Variants in KCNJ3 observed in about 807,000 individuals in gnomAD.
KCNJ3 encodes potassium inwardly rectifying channel subfamily J member 3.
Under a neutral mutation model 39.2 loss-of-function variants are expected in KCNJ3, and 4 were observed. That is an observed-to-expected ratio of 0.10 (90% CI 0.05 to 0.23). The LOEUF (loss-of-function observed/expected upper bound fraction) is 0.23. KCNJ3 is among the 10% of genes least tolerant of loss of function. The probability of loss-of-function intolerance (pLI) is 1.00; values close to 1 mark genes in which losing one functional copy is unlikely to be tolerated. For missense variants in KCNJ3, 276 were observed against 634.9 expected, an observed-to-expected ratio of 0.43 and a Z score of 6.08; for synonymous variants, 230 against 237.4, an observed-to-expected ratio of 0.97 and a Z score of 0.29.
intron 2 of KCNJ3, among the ~76,000 whole-genome samples, chr2:154,740,720 A>G (rs1574442827): frequency 1.3e-5 from 2 of 152,128 alleles, no homozygotes; most frequent in South Asian, 4.1e-4. Flanking sequence ...AAAGTTTTAT[A>G]TAATCAAAAA....
At chr2:154,721,145 A>C (rs1685257904) in intron 2 of KCNJ3, among the ~76,000 whole-genome samples, 1 of 151,966 alleles carries the variant, frequency 6.6e-6, no homozygotes, top group African/African-American at 2.4e-5. Context: ...CTATTCATTC[A>C]GTTAAGATTT....
At chr2:154,854,261 T>C (rs1241178745) in intron 2 of KCNJ3, among the ~76,000 whole-genome samples, 4 of 152,192 alleles carry the variant, frequency 2.6e-5, no homozygotes, top group African/African-American at 7.2e-5. Context: ...TTGTTGACAG[T>C]GCTTTACTCT....
chr2:154,699,618 T>C lies in KCNJ3; in HGVS notation c.702+141T>C. 1 of 1,282,962 alleles carries C rather than the reference T, an allele frequency of 7.8e-7. No individual in the cohort carries two copies. Among genetic ancestry groups the C allele is most frequent in the Non-Finnish European group, 1.0e-6 (1 of 957,994 alleles). 79.5% of individuals were successfully genotyped at this position (1,282,962 alleles called of 1,614,324 possible). A position where few individuals can be genotyped will look rare whatever the true frequency, so the allele number is the denominator to read the frequency against. Reference sequence around the variant, plus strand: ...AAACTTCCTTTTGGGGGGTTGGGGGTTGGAGGACTGGGCAAAGAATGCGGT... The same window carrying C: ...AAACTTCCTTTTGGGGGGTTGGGGGCTGGAGGACTGGGCAAAGAATGCGGT... On this transcript the variant is annotated intron_variant, in intron 1 of 2. Coordinates refer to ENST00000295101, the MANE Select transcript of KCNJ3 (RefSeq NM_002239.4). The surrounding 1 kb of genome is among the most constrained non-coding windows in gnomAD (Gnocchi z 6.4).
chr2:154,703,577 C>A (rs1351451071), intron 1 of KCNJ3, among the ~76,000 whole-genome samples: 1 of 151,518 alleles, frequency 6.6e-6, no homozygotes, highest in Non-Finnish European at 1.5e-5. Context: ...TGACTATTAT[C>A]AAGTGCAGAT....
intron 2 of KCNJ3, among the ~76,000 whole-genome samples, chr2:154,730,461 T>A (rs1685431163): frequency 6.6e-6 from 1 of 152,072 alleles, no homozygotes; most frequent in Admixed American, 6.6e-5. Flanking sequence ...GCTTAATAAT[T>A]TAAAAGTCCA....
At chr2:154,818,224 G>A (rs543259643) in intron 2 of KCNJ3, among the ~76,000 whole-genome samples, 1 of 152,042 alleles carries the variant, frequency 6.6e-6, no homozygotes, top group South Asian at 2.1e-4. Context: ...ACTCCTCTAG[G>A]TTGTGGGGAA....
At chr2:154,786,322 T>G (rs1686528578) in intron 2 of KCNJ3, among the ~76,000 whole-genome samples, 1 of 152,220 alleles carries the variant, frequency 6.6e-6, no homozygotes, top group South Asian at 2.1e-4. Flanking sequence ...CATCTCTTTC[T>G]ATAGACCCTT....
chr2:154,771,108 C>T (rs1266789381), intron 2 of KCNJ3, among the ~76,000 whole-genome samples: 6 of 152,008 alleles, frequency 3.9e-5, no homozygotes, highest in Non-Finnish European at 7.4e-5. Context: ...CCAGGCTGGT[C>T]TCAAACTCCT....
chr2:154,814,538 G>A (rs936737176), intron 2 of KCNJ3, among the ~76,000 whole-genome samples: 1 of 152,116 alleles, frequency 6.6e-6, no homozygotes. Context: ...TCAGGAGGCT[G>A]AGGCAGGAGA....
At chr2:154,778,216 C>T (rs1281214895) in intron 2 of KCNJ3, among the ~76,000 whole-genome samples, 1 of 151,866 alleles carries the variant, frequency 6.6e-6, no homozygotes, top group South Asian at 2.1e-4. Context: ...TGTAGTTTCA[C>T]TACTGAAACT....
At chr2:154,822,870 GCTGA>G (rs1329782625) in intron 2 of KCNJ3, among the ~76,000 whole-genome samples, 4 of 151,764 alleles carry the variant, frequency 2.6e-5, no homozygotes, top group Non-Finnish European at 5.9e-5. Flanking sequence ...AATGCTTTTA[GCTGA>G]CTAAGTAATA....
chr2:154,805,101 T>G (rs948186944), intron 2 of KCNJ3, among the ~76,000 whole-genome samples: 1 of 152,082 alleles, frequency 6.6e-6, no homozygotes, highest in Non-Finnish European at 1.5e-5. Flanking sequence ...AATTGGAATA[T>G]GGTGTGGAAT....
At chr2:154,767,510 T>G (rs1686157506) in intron 2 of KCNJ3, among the ~76,000 whole-genome samples, 1 of 152,218 alleles carries the variant, frequency 6.6e-6, no homozygotes, top group African/African-American at 2.4e-5. Context: ...ACAAAGGACG[T>G]GAACTCATCC....
At chr2:154,792,447 G>A (rs540394707) in intron 2 of KCNJ3, among the ~76,000 whole-genome samples, 2 of 152,146 alleles carry the variant, frequency 1.3e-5, no homozygotes, top group East Asian at 3.9e-4. Flanking sequence ...TTCTGCTTCT[G>A]TGACCCAGGA....
intron 2 of KCNJ3, among the ~76,000 whole-genome samples, chr2:154,806,858 C>T (rs1474587019): frequency 6.6e-6 from 1 of 152,150 alleles, no homozygotes; most frequent in Admixed American, 6.5e-5. Context: ...TTAAGTCTCG[C>T]ACTGACCTTT....
intron 2 of KCNJ3, among the ~76,000 whole-genome samples, chr2:154,801,386 A>G (rs546424315): frequency 2.2e-4 from 33 of 152,268 alleles, no homozygotes; most frequent in East Asian, 1.9e-4. Flanking sequence ...AAGAGAACAC[A>G]TGTATCAATT....
At position 154,708,108 on chromosome 2, in the gene KCNJ3, T is replaced by C. The variant is rs74846748; in HGVS notation, c.703-1495T>C. ...TTTATTTGTTTGTCAGTAATCATTTTTTTCATAGCCTTCTTTTTTCAGCCA... is the reference window on the plus strand; with the variant it reads ...TTTATTTGTTTGTCAGTAATCATTTCTTTCATAGCCTTCTTTTTTCAGCCA... On this transcript the variant is annotated intron_variant, in intron 1 of 2. Transcript: ENST00000295101. 2.0e-5 allele frequency among the ~76,000 whole-genome samples: 3 copies of C among 151,814 alleles called. No homozygotes were observed. In the East Asian group the frequency reaches 5.8e-4, roughly 29 times the overall value.
intron 2 of KCNJ3, among the ~76,000 whole-genome samples, chr2:154,743,484 A>T (rs2105176407): frequency 6.6e-6 from 1 of 151,666 alleles, no homozygotes; most frequent in East Asian, 1.9e-4. Context: ...TGAAGATGGG[A>T]TGTCTTTCTG....
chr2:154,847,296 T>C (rs1474502381), intron 2 of KCNJ3, among the ~76,000 whole-genome samples: 2 of 152,188 alleles, frequency 1.3e-5, no homozygotes, highest in African/African-American at 4.8e-5. Context: ...TTCAGCTCAG[T>C]GCAACACAAT....
Sources: allele counts gnomAD v4.1 joint callset (sites outside exome capture counted in the v4.1 genomes callset), GRCh38; gene constraint gnomAD v4.1.1; non-coding constraint Gnocchi (gnomAD v3.1); transcripts MANE v1.5; gene names NCBI Gene and HGNC (gene_info 2026-07-23, HGNC 2026-07-21).